The following KIAA1671 variants were observed in gnomAD, a reference collection of about 807,000 sequenced individuals.
The protein encoded by KIAA1671 is uncharacterized protein KIAA1671.
Under a neutral mutation model 131.2 loss-of-function variants are expected in KIAA1671, and 52 were observed. The observed-to-expected ratio is 0.40, with a 90% CI of 0.32 to 0.50. The LOEUF is 0.50. Among genes scored for constraint, KIAA1671 ranks in the 20% least tolerant of loss-of-function variants. The pLI is 0.73. For missense variants in KIAA1671, 2,360 were observed against 2,364.2 expected (o/e 1.00, Z 0.04); for synonymous variants, 1,003 against 961.6 (o/e 1.04, Z -0.80).
chr22:25,058,493 T>C (rs1420674205), intron 6 of KIAA1671: 1 of 152,208 alleles, frequency 6.6e-6, no homozygotes, highest in East Asian at 1.9e-4. Context: ...ATTTTTAGGA[T>C]TCCCCCCTAT....
At chr22:24,971,071 C>CT (rs1922587955) in intron 1 of KIAA1671, among the ~76,000 whole-genome samples, 1 of 152,360 alleles carries the variant, frequency 6.6e-6, no homozygotes, top group South Asian at 2.1e-4. Flanking sequence ...GATTCTCCTG[C>CT]TTCAGCCTCC....
Position 25,028,777 on chromosome 22 carries a change from G to A in KIAA1671, c.778G>A (p.Ala260Thr), listed in dbSNP as rs889457867. 54 of 1,551,118 alleles carry A rather than the reference G, an allele frequency of 3.5e-5. No homozygotes were observed. Among genetic ancestry groups the A allele is most frequent in the Middle Eastern group, 1.7e-4 (1 of 6,014 alleles). ...TCAGCCTCAGAAGCCAGGCCCCGGC[G>A]CAGCGGCCACAGTGGGCAAAGTGCC... ...SIQPQKPGPGAAATVGKVPPT... is the reference protein window; with the variant it reads ...SIQPQKPGPGTAATVGKVPPT... Residue 260 changes from alanine to threonine, a missense_variant, in exon 3 of 13, where the codon GCA becomes ACA. Coordinates refer to ENST00000358431, the MANE Select transcript of KIAA1671 (RefSeq NM_001145206.2).
At chr22:25,070,115 G>A (rs1013769254) in intron 6 of KIAA1671, 12 of 361,068 alleles carry the variant, frequency 3.3e-5, no homozygotes, top group Non-Finnish European at 5.4e-5. Flanking sequence ...CCCTGGACCC[G>A]CCCCACTGGA....
At chr22:25,107,922 C>T (rs538877478) in intron 6 of KIAA1671, among the ~76,000 whole-genome samples, 15 of 152,092 alleles carry the variant, frequency 9.9e-5, no homozygotes, top group Non-Finnish European at 2.1e-4. Context: ...GCAGGAGAAT[C>T]GCTTGAACCC....
intron 4 of KIAA1671, among the ~76,000 whole-genome samples, chr22:25,037,391 T>C (rs960231000): frequency 1.5e-5 from 2 of 135,122 alleles, no homozygotes; most frequent in Admixed American, 7.0e-5. Flanking sequence ...TGTGTATATA[T>C]GTATATATGT....
At chr22:25,093,499 C>T (rs1035588275) in intron 6 of KIAA1671, among the ~76,000 whole-genome samples, 15 of 152,138 alleles carry the variant, frequency 9.9e-5, no homozygotes, top group African/African-American at 3.4e-4. Context: ...ACACTCACTG[C>T]TGGCAGTTCA....
At chr22:25,116,891 C>A (rs965039694) in intron 6 of KIAA1671, among the ~76,000 whole-genome samples, 2 of 152,204 alleles carry the variant, frequency 1.3e-5, no homozygotes, top group Non-Finnish European at 2.9e-5. Context: ...AGAGAACTAT[C>A]TTAAAATATC....
chr22:24,970,586 C>T (rs190740824), intron 1 of KIAA1671, among the ~76,000 whole-genome samples: 22 of 152,204 alleles, frequency 1.4e-4, no homozygotes, highest in Non-Finnish European at 2.8e-4. Flanking sequence ...CCAGGCACAT[C>T]GTCAGTGCCT....
chr22:25,142,955 G>A (rs771253669), intron 6 of KIAA1671, among the ~76,000 whole-genome samples: 2 of 152,238 alleles, frequency 1.3e-5, no homozygotes, highest in Non-Finnish European at 2.9e-5. Flanking sequence ...GCCCTTCAGA[G>A]GCAGGCCCCA....
rs1423326393 is a variant in KIAA1671 at position 25,093,754 on chromosome 22, C to CTT, written c.4530+44391_4530+44392insTT. Among the ~76,000 whole-genome samples the CTT allele has an allele frequency of 3.3e-3, 329 of 100,536 alleles. 3 individuals are homozygous for CTT. The highest frequency in any genetic ancestry group is 0.019 in the South Asian group (55 of 2,830). 66.0% of individuals were successfully genotyped at this position (100,536 alleles called of 152,430 possible). On this transcript the variant is annotated intron_variant, in intron 6 of 12. Coordinates refer to ENST00000358431, the MANE Select transcript of KIAA1671 (RefSeq NM_001145206.2). ...ACACACACACTCTCTCTCTCTCTCT[C>CTT]TCTCTCTCTCTCTGTCTCTCTCTCT...
At chr22:25,019,754 C>T (rs12167047) in intron 1 of KIAA1671, among the ~76,000 whole-genome samples, 2,663 of 152,030 alleles carry the variant, frequency 0.018, 46 homozygotes, top group Non-Finnish European at 0.026. Context: ...TGTGCATACC[C>T]CCTTACCTTT....
At chr22:25,069,027 C>T (rs1007349891) in intron 6 of KIAA1671, among the ~76,000 whole-genome samples, 10 of 152,274 alleles carry the variant, frequency 6.6e-5, no homozygotes, top group East Asian at 3.9e-4. Flanking sequence ...GTTATGGCCT[C>T]GGCTTATGAG....
At chr22:25,158,152 T>TA (rs1157666624) in intron 6 of KIAA1671, among the ~76,000 whole-genome samples, 2 of 152,228 alleles carry the variant, frequency 1.3e-5, no homozygotes, top group Admixed American at 1.3e-4. Flanking sequence ...CAATTTGTTT[T>TA]AAAAAGCAAC....
intron 6 of KIAA1671, among the ~76,000 whole-genome samples, chr22:25,164,956 A>AGAG (rs1210577231): frequency 9.5e-6 from 1 of 105,272 alleles, no homozygotes; most frequent in African/African-American, 6.0e-5. Context: ...GGGAAAAAAA[A>AGAG]AAAAAGAGAG....
chr22:25,123,522 C>G (rs556263416), intron 6 of KIAA1671, among the ~76,000 whole-genome samples: 26 of 152,146 alleles, frequency 1.7e-4, no homozygotes, highest in Non-Finnish European at 3.2e-4. Context: ...ACTGCAGCTT[C>G]CCTCTTGATC....
At chr22:25,065,628 A>AATTATT (rs1234244146) in intron 6 of KIAA1671, among the ~76,000 whole-genome samples, 4 of 151,012 alleles carry the variant, frequency 2.6e-5, no homozygotes, top group South Asian at 4.2e-4. Flanking sequence ...TTTTTTAAAG[A>AATTATT]ATTATTATTA....
At chr22:25,076,497 G>C (rs920120865) in intron 6 of KIAA1671, among the ~76,000 whole-genome samples, 3 of 152,094 alleles carry the variant, frequency 2.0e-5, no homozygotes, top group Non-Finnish European at 2.9e-5. Context: ...TTCTCTTCTG[G>C]GGGGAGAAAC....
At chr22:25,125,530 G>A (rs548465088) in intron 6 of KIAA1671, among the ~76,000 whole-genome samples, 127 of 152,250 alleles carry the variant, frequency 8.3e-4, no homozygotes, top group Middle Eastern at 3.4e-3. Context: ...TTCGTTTCCT[G>A]AGAGGTACCA....
At chr22:25,006,790 G>A (rs953733641) in intron 1 of KIAA1671, among the ~76,000 whole-genome samples, 3 of 152,072 alleles carry the variant, frequency 2.0e-5, no homozygotes, top group Non-Finnish European at 4.4e-5. Context: ...CTCTGTTTCT[G>A]TCCTCACGTT....
Sources: allele counts gnomAD v4.1 joint callset (sites outside exome capture counted in the v4.1 genomes callset), GRCh38; gene constraint gnomAD v4.1.1; transcripts MANE v1.5; gene names NCBI Gene and HGNC (gene_info 2026-07-23, HGNC 2026-07-21).